Variants in ATP8A1 observed in about 807,000 individuals in gnomAD.
ATP8A1 encodes phospholipid-transporting ATPase IA.
A neutral mutation model predicts 177.7 loss-of-function variants in ATP8A1; 90 were observed. That is an observed-to-expected ratio of 0.51 (90% CI 0.43 to 0.60). The LOEUF (loss-of-function observed/expected upper bound fraction) is 0.60, where lower values mean the gene tolerates loss of function less well. ATP8A1 is among the 20% of genes least tolerant of loss of function. ATP8A1 has a pLI of 0.00. For synonymous variants in ATP8A1, 493 were observed against 485.9 expected, an observed-to-expected ratio of 1.01 and a Z score of -0.19; for missense variants, 1,072 against 1,392.8, an observed-to-expected ratio of 0.77 and a Z score of 3.67.
chr4:42,541,330 C>A lies in ATP8A1; in HGVS notation c.1722+2587G>T, dbSNP rs1035116087. Among the ~76,000 whole-genome samples the A allele has an allele frequency of 7.7e-4, 117 of 152,104 alleles. 2 individuals are homozygous for A. The highest frequency in any genetic ancestry group is 3.2e-4 in the Non-Finnish European group (22 of 67,996). Reference sequence around the variant, plus strand: ...TTAAGCCAACAATAAAATACCAGTACACATCTATTAGAATAGCCCAAATCC... The same window carrying A: ...TTAAGCCAACAATAAAATACCAGTAAACATCTATTAGAATAGCCCAAATCC... On this transcript the variant is annotated intron_variant, in intron 20 of 36. Coordinates refer to ENST00000381668, the MANE Select transcript of ATP8A1 (RefSeq NM_006095.2).
intron 21 of ATP8A1, among the ~76,000 whole-genome samples, chr4:42,522,864 AATGTTTTAC>A (rs1422914859): frequency 1.3e-5 from 2 of 152,072 alleles, no homozygotes; most frequent in Non-Finnish European, 2.9e-5. Context: ...CGTGAGTGAC[AATGTTTTAC>A]AGTTTTTCTT....
intron 6 of ATP8A1, among the ~76,000 whole-genome samples, chr4:42,595,746 G>C (rs550205809): frequency 9.9e-5 from 15 of 152,250 alleles, no homozygotes; most frequent in Admixed American, 2.0e-4. Flanking sequence ...ATTCAACTGT[G>C]TGCTTCACAA....
At chr4:42,423,733 C>T in intron 33 of ATP8A1, 28 bp from the exon 34 acceptor site, 1 of 1,483,608 alleles carries the variant, frequency 6.7e-7, no homozygotes, top group Non-Finnish European at 9.3e-7. Flanking sequence ...AAAAACATTA[C>T]TTTAAAACCA....
intron 9 of ATP8A1, among the ~76,000 whole-genome samples, chr4:42,585,059 A>G (rs577525569): frequency 6.6e-6 from 1 of 152,152 alleles, no homozygotes; most frequent in Non-Finnish European, 1.5e-5. Flanking sequence ...CCACTTGAAG[A>G]TCATGTAATG....
At chr4:42,499,059 G>C (rs1451826883) in intron 24 of ATP8A1, among the ~76,000 whole-genome samples, 1 of 152,190 alleles carries the variant, frequency 6.6e-6, no homozygotes, top group African/African-American at 2.4e-5. Flanking sequence ...TACACAGAAA[G>C]CTGCATTTTC....
At chr4:42,636,138 AC>A (rs1560546528) in intron 1 of ATP8A1, among the ~76,000 whole-genome samples, 14 of 40,258 alleles carry the variant, frequency 3.5e-4, no homozygotes, top group African/African-American at 9.4e-4. Flanking sequence ...ACACACACAC[AC>A]ACACACACAC....
At chr4:42,577,579 C>T (rs1732602790) in intron 12 of ATP8A1, among the ~76,000 whole-genome samples, 2 of 151,866 alleles carry the variant, frequency 1.3e-5, no homozygotes, top group Admixed American at 1.3e-4. Context: ...AGATTAGGCC[C>T]ACAGATTTAA....
intron 30 of ATP8A1, among the ~76,000 whole-genome samples, chr4:42,448,760 T>C (rs1190807831): frequency 6.6e-6 from 1 of 151,276 alleles, no homozygotes; most frequent in East Asian, 1.9e-4. Context: ...GTGTGGAATC[T>C]GAAACTATAT....
At chr4:42,500,365 AAAAACAAAACAAAAC>A (rs142164207) in intron 24 of ATP8A1, among the ~76,000 whole-genome samples, 1,683 of 149,416 alleles carry the variant, frequency 0.011, 9 homozygotes, top group Middle Eastern at 0.017. Context: ...ACTCGGTCTC[AAAAACAAAACAAAAC>A]AAAACAAAAC....
chr4:42,477,896 C>A (rs1721247762), intron 25 of ATP8A1, among the ~76,000 whole-genome samples: 1 of 151,498 alleles, frequency 6.6e-6, no homozygotes, highest in Admixed American at 6.6e-5. Flanking sequence ...TGTGAGAGGA[C>A]AGCTTGAGCC....
chr4:42,413,345 T>C (rs998730744), intron 36 of ATP8A1, among the ~76,000 whole-genome samples: 3 of 151,892 alleles, frequency 2.0e-5, no homozygotes, highest in African/African-American at 7.3e-5. Context: ...GGTGAGGGAG[T>C]TGAGTCAAGT....
intron 5 of ATP8A1, among the ~76,000 whole-genome samples, chr4:42,614,923 G>GT (rs1242497819): frequency 6.6e-6 from 1 of 152,118 alleles, no homozygotes; most frequent in Non-Finnish European, 1.5e-5. Context: ...ATACACCACA[G>GT]TTTTCTCTCC....
chr4:42,457,010 GGAAAA>G lies in ATP8A1; in HGVS notation c.2620-1416_2620-1412del, dbSNP rs571159077. On this transcript the variant is annotated intron_variant, in intron 27 of 36. Coordinates refer to ENST00000381668, the MANE Select transcript of ATP8A1 (RefSeq NM_006095.2). ...AAAACTAATGTCTGCTTTATGAGAT[GGAAAA>G]GAAAACAAAGTAGCAATAGCACATT... Among the ~76,000 whole-genome samples, 404 of 152,154 alleles carry G rather than the reference GGAAAA, an allele frequency of 2.7e-3. 1 individual carries two copies. The highest frequency in any genetic ancestry group is 9.4e-3 in the African/African-American group (391 of 41,526).
chr4:42,622,855 C>A (rs1366307892), intron 4 of ATP8A1, among the ~76,000 whole-genome samples: 2 of 151,902 alleles, frequency 1.3e-5, no homozygotes, highest in Admixed American at 6.6e-5. Context: ...ACTAATAATA[C>A]AAAATTAGCT....
intron 24 of ATP8A1, among the ~76,000 whole-genome samples, chr4:42,490,923 G>C (rs1722680827): frequency 6.6e-6 from 1 of 152,128 alleles, no homozygotes; most frequent in Non-Finnish European, 1.5e-5. Flanking sequence ...CTTTGGAACA[G>C]AGGTCTTTGA....
chr4:42,487,957 G>C (rs1315420359), intron 24 of ATP8A1, among the ~76,000 whole-genome samples: 6 of 152,126 alleles, frequency 3.9e-5, no homozygotes, highest in African/African-American at 1.4e-4. Context: ...ATCAGGGATG[G>C]GGGGAGAGTA....
intron 20 of ATP8A1, among the ~76,000 whole-genome samples, chr4:42,527,173 G>A (rs952921003): frequency 1.3e-5 from 2 of 152,184 alleles, no homozygotes; most frequent in Non-Finnish European, 2.9e-5. Context: ...AGACTGCCCT[G>A]AGTGAGAGTC....
In ATP8A1 at chr4:42,433,654, A is replaced by AAACAAACG. The variant is rs1715567135; in HGVS notation, c.3123+9910_3123+9911insCGTTTGTT. 7.2e-5 allele frequency among the ~76,000 whole-genome samples: 11 copies of AAACAAACG among 152,296 alleles called. No homozygotes were observed. The South Asian group carries it at 2.3e-3, about 32-fold the overall frequency. ...ATCCCAAACAAACAAACAAACAAACAAACAAACACAAATCTTAGAAAATAT... is the reference window on the plus strand; with the variant it reads ...ATCCCAAACAAACAAACAAACAAACAAACAAACGAACAAACACAAATCTTAGAAAATAT... On this transcript the variant is annotated intron_variant, in intron 33 of 36. Transcript: ENST00000381668.
intron 27 of ATP8A1, among the ~76,000 whole-genome samples, chr4:42,460,592 T>C (rs1719019899): frequency 6.6e-6 from 1 of 152,092 alleles, no homozygotes; most frequent in South Asian, 2.1e-4. Context: ...TTTCACCATG[T>C]TGGCCAGGTT....
Sources: allele counts gnomAD v4.1 joint callset (sites outside exome capture counted in the v4.1 genomes callset), GRCh38; gene constraint gnomAD v4.1.1; transcripts MANE v1.5; gene names NCBI Gene and HGNC (gene_info 2026-07-23, HGNC 2026-07-21).